Variants in CENPN observed in about 807,000 individuals in gnomAD.
CENPN encodes interphase centromere complex protein 32.
A neutral mutation model predicts 48.6 loss-of-function variants in CENPN; 36 were observed. The observed-to-expected ratio is 0.74, with a 90% CI of 0.57 to 0.98. The LOEUF (loss-of-function observed/expected upper bound fraction) is 0.98, where lower values mean the gene tolerates loss of function less well. Among genes scored for constraint, CENPN ranks in the 50% least tolerant of loss-of-function variants. The pLI is 0.00. For synonymous variants in CENPN, 166 were observed against 135.2 expected, an observed-to-expected ratio of 1.23 and a Z score of -1.58; for missense variants, 439 against 399.2, an observed-to-expected ratio of 1.10 and a Z score of -0.85.
At chr16:81,032,568 AGCACTTGTTT>A, downstream of CENPN, 1 of 1,519,788 alleles carries the variant, frequency 6.6e-7, no homozygotes, top group Non-Finnish European at 8.8e-7. Context: ...TTTTTTTTTT[AGCACTTGTTT>A]GCAGGATCCA....
At chr16:81,015,425 A>T (rs1969895172) in intron 3 of CENPN, among the ~76,000 whole-genome samples, 1 of 152,266 alleles carries the variant, frequency 6.6e-6, no homozygotes, top group South Asian at 2.1e-4. Context: ...AATAGTGATA[A>T]TATCACATAA....
intron 2 of CENPN, among the ~76,000 whole-genome samples, chr16:81,012,957 G>A (rs1483183751): frequency 1.3e-5 from 2 of 152,216 alleles, no homozygotes; most frequent in South Asian, 2.1e-4. Flanking sequence ...AATTTATGAT[G>A]AGAAAATAAT....
intron 1 of CENPN, among the ~76,000 whole-genome samples, chr16:81,008,959 T>TCAA (rs1262129184): frequency 6.6e-6 from 1 of 152,128 alleles, no homozygotes; most frequent in Admixed American, 6.5e-5. Context: ...GTAATCCCAG[T>TCAA]ACTTTGGGAG....
At chr16:81,032,436 C>T, downstream of CENPN, 2 of 820,438 alleles carry the variant, frequency 2.4e-6, no homozygotes, top group South Asian at 3.2e-5. Flanking sequence ...TAAGCGTCCA[C>T]ACCCCATTGG....
chr16:81,029,333 A>C lies in CENPN; in HGVS notation c.*682A>C, dbSNP rs1018168510. The C allele has an allele frequency of 1.1e-6, 1 of 944,260 alleles. No individual in the cohort carries two copies. Among genetic ancestry groups the C allele is most frequent in the African/African-American group, 1.8e-5 (1 of 56,432 alleles). The allele number at this position is 944,260 out of a possible 1,614,324, so 58.5% of individuals were successfully genotyped here. ...ACTGGCACATCAGTTAATTTTGATC[A>C]AAGTACTTCAGTGATCATCACTAAA... On this transcript the variant is annotated 3_prime_UTR_variant, in exon 11 of 11. Transcript: ENST00000305850.
intron 2 of CENPN, among the ~76,000 whole-genome samples, chr16:81,012,333 A>C (rs1010636901): frequency 3.9e-5 from 6 of 152,250 alleles, no homozygotes; most frequent in Non-Finnish European, 7.3e-5. Flanking sequence ...TAAATATAGT[A>C]GAAAAAACAG....
At position 81,029,787 on chromosome 16, in the gene CENPN, C is replaced by T. The variant is rs968022499; in HGVS notation, c.*1136C>T. Among the ~76,000 whole-genome samples the T allele has an allele frequency of 1.3e-5, 2 of 152,150 alleles. No individual in the cohort carries two copies. Among genetic ancestry groups the T allele is most frequent in the African/African-American group, 4.8e-5 (2 of 41,422 alleles). ...ACAGGGTTTCTCCATGTTGCCCAGG[C>T]TGATCTCAAACTCCTGGGCTCAAGC... On this transcript the variant is annotated 3_prime_UTR_variant, in exon 11 of 11. Transcript: ENST00000305850.
chr16:81,016,223 T>G (rs1211195189), intron 3 of CENPN, among the ~76,000 whole-genome samples: 2 of 151,958 alleles, frequency 1.3e-5, no homozygotes, highest in East Asian at 3.9e-4. Flanking sequence ...AAACATATAC[T>G]GAAGCCTGGT....
At chr16:81,008,782 C>G (rs1254003255) in intron 1 of CENPN, among the ~76,000 whole-genome samples, 1 of 152,200 alleles carries the variant, frequency 6.6e-6, no homozygotes, top group Non-Finnish European at 1.5e-5. Flanking sequence ...CCTGATTAGA[C>G]TTACTGACTA....
In CENPN at chr16:81,030,068, G is replaced by T. The variant is rs1597114639; in HGVS notation, c.*1417G>T. On this transcript the variant is annotated 3_prime_UTR_variant, in exon 11 of 11. Coordinates refer to ENST00000305850, the MANE Select transcript of CENPN (RefSeq NM_001100624.3). The stretch of plus-strand genomic sequence containing the variant: ...CATTTATAAAACCACCAGAGCTCAT[G>T]AAACTTATTCACTACCATGAGAATA... 2.9e-6 allele frequency: 1 copy of T among 345,378 alleles called. No homozygotes were observed. Among genetic ancestry groups the T allele is most frequent in the African/African-American group, 2.2e-5 (1 of 44,796 alleles). 21.4% of individuals were successfully genotyped at this position (345,378 alleles called of 1,614,324 possible).
rs1450688561 is a variant in CENPN at position 81,028,487 on chromosome 16, G to T, written c.938-82G>T. 4 of 1,567,100 alleles carry T rather than the reference G, an allele frequency of 2.6e-6. No homozygotes were observed. The African/African-American group carries it at 5.5e-5, about 22-fold the overall frequency. On this transcript the variant is annotated intron_variant, in intron 10 of 10. Coordinates refer to ENST00000305850, the MANE Select transcript of CENPN (RefSeq NM_001100624.3). ...ATCTATGATCCACCCTCTAATCTCA[G>T]CCATTTTTAAACTGACTCAAATCCA...
chr16:81,017,202 T>C (rs767888426), intron 3 of CENPN, 124 bp from the exon 4 acceptor site: 3 of 669,906 alleles, frequency 4.5e-6, no homozygotes, highest in Non-Finnish European at 7.8e-6. Context: ...TGAATACAAA[T>C]CTGTATAACT....
intron 1 of CENPN, among the ~76,000 whole-genome samples, chr16:81,008,815 G>T (rs1333240968): frequency 6.6e-6 from 1 of 152,224 alleles, no homozygotes; most frequent in Non-Finnish European, 1.5e-5. Flanking sequence ...TCTGGTCTAG[G>T]AGTATAGCTG....
rs560826871 is a variant in CENPN at position 81,025,241 on chromosome 16, G to A, written c.697+463G>A. Among the ~76,000 whole-genome samples, 3 of 152,236 alleles carry A rather than the reference G, an allele frequency of 2.0e-5. No homozygotes were observed. In the East Asian group the frequency reaches 5.8e-4, roughly 29 times the overall value. On this transcript the variant is annotated intron_variant, in intron 8 of 10. Transcript: ENST00000305850. ...CTGGAGCCCATGCTCTTAATGCGCT[G>A]GATAAACTTCTAGAACAATGAGAAT...
intron 8 of CENPN, among the ~76,000 whole-genome samples, chr16:81,025,903 A>G (rs1200093574): frequency 4.6e-5 from 7 of 150,960 alleles, no homozygotes; most frequent in South Asian, 2.1e-4. Flanking sequence ...GGATTTCACT[A>G]TGTTGGCCAG....
intron 10 of CENPN, 71 bp downstream of exon 10, chr16:81,028,368 T>C: frequency 1.3e-6 from 2 of 1,569,394 alleles, no homozygotes; most frequent in Admixed American, 3.4e-5. Flanking sequence ...TATAATCTGC[T>C]AATTACTTCT....
rs1403563200 is a variant in CENPN at position 81,029,880 on chromosome 16, T to C, written c.*1229T>C. Among the ~76,000 whole-genome samples, 1 of 152,166 alleles carries C rather than the reference T, an allele frequency of 6.6e-6. No homozygotes were observed. Among genetic ancestry groups the C allele is most frequent in the Admixed American group, 6.5e-5 (1 of 15,278 alleles). The stretch of plus-strand genomic sequence containing the variant: ...GTGTATTAGTCTATTCTCATGCTGC[T>C]AATAAAGATACCTAAGACTGGGTAA... On this transcript the variant is annotated 3_prime_UTR_variant, in exon 11 of 11. Transcript: ENST00000305850.
chr16:81,032,891 C>A, downstream of CENPN: 1 of 502,702 alleles, frequency 2.0e-6, no homozygotes, highest in Non-Finnish European at 3.5e-6. Flanking sequence ...ACACTCTAGA[C>A]ACAGGTGCTT....
At chr16:81,031,492 G>A (rs1050766149), downstream of CENPN, 3 of 152,212 alleles carry the variant, frequency 2.0e-5, no homozygotes, top group Non-Finnish European at 2.9e-5. Flanking sequence ...CTGCTTTGCA[G>A]TGTGGTCTTT....
Sources: allele counts gnomAD v4.1 joint callset (sites outside exome capture counted in the v4.1 genomes callset), GRCh38; gene constraint gnomAD v4.1.1; transcripts MANE v1.5; gene names NCBI Gene and HGNC (gene_info 2026-07-23, HGNC 2026-07-21).